Variants in KIF12 observed in about 807,000 individuals in gnomAD.
The protein encoded by KIF12 is kinesin-like protein KIF12.
KIF12 carries 80 observed loss-of-function variants against 87.9 expected under a neutral mutation model. That is an observed-to-expected ratio of 0.91 (90% CI 0.76 to 1.10). The LOEUF is 1.10. Ranked by LOEUF, KIF12 falls within the 50% of genes least tolerant of loss-of-function variation. The pLI, the probability that KIF12 is intolerant of heterozygous loss-of-function variation, is 0.00. For missense variants in KIF12, 819 were observed against 865.3 expected (o/e 0.95, Z 0.67); for synonymous variants, 353 against 348.5 (o/e 1.01, Z -0.14).
intron 16 of KIF12, 189 bp downstream of exon 16, chr9:114,093,040 G>T: frequency 1.7e-6 from 2 of 1,188,532 alleles, no homozygotes; most frequent in African/African-American, 3.1e-5. Context: ...TGACAGGGCA[G>T]GGTGAGGAGG....
chr9:114,092,204 A>G (rs1847024924), intron 18 of KIF12, 129 bp downstream of exon 18: 2 of 1,489,646 alleles, frequency 1.3e-6, no homozygotes, highest in East Asian at 4.7e-5. Flanking sequence ...TTTGGGAAGT[A>G]GAAAGATCTT....
chr9:114,094,946 G>A (rs1847151715), intron 11 of KIF12, 77 bp downstream of exon 11: 1 of 1,275,010 alleles, frequency 7.8e-7, no homozygotes, highest in Non-Finnish European at 1.1e-6. Flanking sequence ...TTCAATCAAG[G>A]GACTCAGGCT....
At chr9:114,097,768 G>A in intron 5 of KIF12, 27 bp from the exon 6 acceptor site, 6 of 1,603,886 alleles carry the variant, frequency 3.7e-6, no homozygotes, top group Non-Finnish European at 5.1e-6. Flanking sequence ...CTGAGCCATC[G>A]TCATCTCCAC....
intron 6 of KIF12, 71 bp from the exon 7 acceptor site, chr9:114,097,507 A>G: frequency 6.3e-7 from 1 of 1,582,166 alleles, no homozygotes; most frequent in Non-Finnish European, 8.6e-7. Flanking sequence ...TCTTACTGAC[A>G]ACAGTCCCCA....
At chr9:114,098,082 C>T (rs1422254565) in intron 5 of KIF12, 33 bp downstream of exon 5, 1 of 1,539,868 alleles carries the variant, frequency 6.5e-7, no homozygotes, top group Non-Finnish European at 8.8e-7. Flanking sequence ...CACCCAGCCC[C>T]GCCCCGCGGG....
intron 9 of KIF12, among the ~76,000 whole-genome samples, chr9:114,095,756 C>T (rs1407663596): frequency 2.0e-5 from 3 of 152,192 alleles, no homozygotes; most frequent in East Asian, 3.9e-4. Context: ...CCCAACTGCA[C>T]AAGGGACATG....
At position 114,093,926 on chromosome 9, in the gene KIF12, C is replaced by T; in HGVS notation, c.1360G>A (p.Glu454Lys). 1 of 1,614,152 alleles carries T rather than the reference C, an allele frequency of 6.2e-7. No homozygotes were observed. Reference protein sequence around the residue: ...LQNSRDLAQNEQRILAQQVHA... With the variant: ...LQNSRDLAQNKQRILAQQVHA... Reference sequence around the variant, plus strand: ...ACCTGCTGGGCCAGGATGCGCTGCTCATTCTGGGCCAGGTCTCGGCTATTC... The same window carrying T: ...ACCTGCTGGGCCAGGATGCGCTGCTTATTCTGGGCCAGGTCTCGGCTATTC... The change falls in exon 14 of 19, where the codon GAG (glutamate) becomes AAG (lysine). Residue 454 changes from glutamate (E) to lysine (K), a missense_variant. Physicochemically the swap from Glu to Lys is moderately conservative, Grantham distance 56. Transcript: ENST00000640217.
At chr9:114,094,149 C>T in intron 13 of KIF12, 32 bp downstream of exon 13, 2 of 1,590,084 alleles carry the variant, frequency 1.3e-6, no homozygotes, top group South Asian at 1.1e-5. Flanking sequence ...GGGTGGGGAG[C>T]AGCATCCCTC....
Position 114,097,627 on chromosome 9 carries a change from G to A in KIF12, c.490C>T (p.Leu164=). 6.2e-7 allele frequency: 1 copy of A among 1,611,086 alleles called. No homozygotes were observed. Among genetic ancestry groups the A allele is most frequent in the Non-Finnish European group, 8.5e-7 (1 of 1,178,806 alleles). The part of the protein sequence containing the change: ...GAPVTLRASY[L]EIYNEQVRDL... ...CTTACCTGCTCATTGTAGATCTCCA[G>A]ATAAGAGGCGCGAAGGGTGACAGGG... Residue 164 remains leucine, a synonymous_variant, in exon 6 of 19, where the codon CTG becomes TTG. Transcript: ENST00000640217.
intron 18 of KIF12, 131 bp from the exon 19 acceptor site, chr9:114,092,131 CAT>C: frequency 2.8e-6 from 4 of 1,444,436 alleles, no homozygotes; most frequent in African/African-American, 1.4e-5. Context: ...ACCCCACCCC[CAT>C]ACACCATGGG....
chr9:114,094,091 C>T, intron 13 of KIF12, 90 bp downstream of exon 13: 1 of 1,462,584 alleles, frequency 6.8e-7, no homozygotes, highest in Non-Finnish European at 9.5e-7. Flanking sequence ...ATAAGGGAGC[C>T]AGGGGCAGGG....
At chr9:114,094,521 C>T (rs78900227) in intron 11 of KIF12, 66 bp from the exon 12 acceptor site, 15 of 948,910 alleles carry the variant, frequency 1.6e-5, no homozygotes, top group African/African-American at 6.6e-5. Flanking sequence ...CAAGAACTTC[C>T]GGGTGTGGGA....
intron 17 of KIF12, 34 bp downstream of exon 17, chr9:114,092,508 C>T: frequency 6.2e-7 from 1 of 1,613,402 alleles, no homozygotes; most frequent in Non-Finnish European, 8.5e-7. Context: ...CCAGACCACC[C>T]CTCTCTGACC....
chr9:114,091,896 C>A lies in KIF12; in HGVS notation c.1921G>T (p.Ala641Ser), dbSNP rs116937342. 1.9e-6 allele frequency: 3 copies of A among 1,611,280 alleles called. No homozygotes were observed. In the African/African-American group the frequency reaches 4.0e-5, roughly 22 times the overall value. ...GRSQPPCSEG[A>S]RSPGQVLPPH ...GGGAGGACTTGGCCTGGGCTCCGTG[C>A]GCCCTCACTGCAGGGTGGCTGGCTG... The change falls in exon 19 of 19, where the codon GCA (alanine) becomes TCA (serine). Residue 641 changes from alanine (A) to serine (S), a missense_variant. Coordinates refer to ENST00000640217, the MANE Select transcript of KIF12 (RefSeq NM_001388308.1).
chr9:114,092,383 G>A lies in KIF12; in HGVS notation c.1766C>T (p.Ser589Phe), dbSNP rs1236218711. Residue 589 changes from serine to phenylalanine, a missense_variant, in exon 18 of 19, where the codon TCT (serine) becomes TTT (phenylalanine). Ser to Phe is a radical substitution (Grantham distance 155, BLOSUM62 -2). Coordinates refer to ENST00000640217, the MANE Select transcript of KIF12 (RefSeq NM_001388308.1). ...GGGCCTCACAGGCAGGGGAGGTGCAGAAGGTACCACCTCCTCCTCCGTCAA... is the reference window on the plus strand; with the variant it reads ...GGGCCTCACAGGCAGGGGAGGTGCAAAAGGTACCACCTCCTCCTCCGTCAA... ...EMLTEEEVVP[S>F]APPLPVRPPK... The A allele has an allele frequency of 6.2e-7, 1 of 1,611,642 alleles. No homozygotes were observed. Among genetic ancestry groups the A allele is most frequent in the Non-Finnish European group, 8.5e-7 (1 of 1,179,172 alleles).
chr9:114,098,572 A>AGGGGGGGG, intron 3 of KIF12, 143 bp from the exon 4 acceptor site: 1 of 178,396 alleles, frequency 5.6e-6, no homozygotes, highest in Non-Finnish European at 8.9e-6. Context: ...GGAGAAGGGT[A>AGGGGGGGG]GGGCGCTCGG....
chr9:114,098,517 A>T, intron 3 of KIF12, 88 bp from the exon 4 acceptor site: 1 of 877,094 alleles, frequency 1.1e-6, no homozygotes, highest in Non-Finnish European at 1.5e-6. Context: ...AGGGCGGGGC[A>T]CGCGGGAGGA....
intron 16 of KIF12, 134 bp from the exon 17 acceptor site, chr9:114,092,776 G>C: frequency 6.7e-7 from 1 of 1,483,634 alleles, no homozygotes; most frequent in East Asian, 2.5e-5. Context: ...GGCATAAAGG[G>C]GTGGGGTCTT....
chr9:114,098,006 C>T, intron 5 of KIF12, 109 bp downstream of exon 5: 1 of 1,136,504 alleles, frequency 8.8e-7, no homozygotes, highest in Non-Finnish European at 1.2e-6. Flanking sequence ...GCGGGTCAGG[C>T]GGCGTCGTCC....
Sources: gnomAD v4.1 joint callset for allele counts (sites outside exome capture counted in the v4.1 genomes callset) on GRCh38, gnomAD v4.1.1 for gene constraint, MANE v1.5 for transcripts, NCBI Gene and HGNC (gene_info 2026-07-23, HGNC 2026-07-21) for gene names.